Variants in FBXW7 observed in about 807,000 individuals in gnomAD.
FBXW7 encodes the protein F-box/WD repeat-containing protein 7.
A neutral mutation model predicts 86.3 loss-of-function variants in FBXW7; 11 were observed. That is an observed-to-expected ratio of 0.13 (90% confidence interval 0.08 to 0.21). The LOEUF is 0.21. Ranked by LOEUF, FBXW7 falls within the 10% of genes least tolerant of loss-of-function variation. FBXW7 has a pLI of 1.00. For missense variants in FBXW7, 488 were observed against 847.4 expected, an observed-to-expected ratio of 0.58 and a Z score of 5.27; for synonymous variants, 313 against 297.9, an observed-to-expected ratio of 1.05 and a Z score of -0.52.
chr4:152,331,668 A>G (rs138416009), intron 8 of FBXW7, among the ~76,000 whole-genome samples: 3,324 of 152,172 alleles, frequency 0.022, 56 homozygotes, highest in Middle Eastern at 0.058. Flanking sequence ...GGTAGTTGCA[A>G]AACAATGTGA....
At chr4:152,503,056 T>G (rs899495323) in intron 2 of FBXW7, among the ~76,000 whole-genome samples, 4 of 152,190 alleles carry the variant, frequency 2.6e-5, no homozygotes, top group Non-Finnish European at 5.9e-5. Context: ...CATAAAGAGA[T>G]GGTAAAGAAA....
chr4:152,524,822 A>AG (rs900062161), intron 2 of FBXW7, among the ~76,000 whole-genome samples: 1 of 152,186 alleles, frequency 6.6e-6, no homozygotes, highest in Non-Finnish European at 1.5e-5. Context: ...ATTTATCCGC[A>AG]GGGGGGAAAA....
At chr4:152,507,214 A>G (rs1377354645) in intron 2 of FBXW7, among the ~76,000 whole-genome samples, 1 of 152,200 alleles carries the variant, frequency 6.6e-6, no homozygotes, top group Non-Finnish European at 1.5e-5. Context: ...ACCCTCCCAC[A>G]TGGAAGTGAA....
chr4:152,511,292 GC>G (rs371477693), intron 2 of FBXW7, among the ~76,000 whole-genome samples: 58 of 88,670 alleles, frequency 6.5e-4, no homozygotes, highest in African/African-American at 2.5e-3. Flanking sequence ...ACAGCCCCCC[GC>G]CCCCCCCACC....
intron 2 of FBXW7, among the ~76,000 whole-genome samples, chr4:152,442,018 G>C (rs777882169): frequency 6.6e-6 from 1 of 152,144 alleles, no homozygotes; most frequent in Non-Finnish European, 1.5e-5. Context: ...TCGGAATTTT[G>C]ATATTCTTCC....
intron 4 of FBXW7, among the ~76,000 whole-genome samples, chr4:152,389,475 T>C (rs2676343): frequency 0.55 from 82,917 of 151,792 alleles, 25,463 homozygotes; most frequent in Non-Finnish European, 0.7. Context: ...ATGGATGGAA[T>C]TGGAGGTGAT....
intron 4 of FBXW7, chr4:152,382,149 T>C (rs776650369): frequency 3.4e-6 from 5 of 1,452,870 alleles, no homozygotes; most frequent in Non-Finnish European, 4.6e-6. Flanking sequence ...GGTACTTCAC[T>C]TAAATAAACA....
At chr4:152,369,024 C>T (rs1579013439) in intron 4 of FBXW7, among the ~76,000 whole-genome samples, 1 of 152,044 alleles carries the variant, frequency 6.6e-6, no homozygotes, top group Non-Finnish European at 1.5e-5. Flanking sequence ...ACTCAGGAAA[C>T]TGTTTAAGAA....
intron 4 of FBXW7, among the ~76,000 whole-genome samples, chr4:152,393,534 T>C (rs779511373): frequency 1.9e-4 from 29 of 152,080 alleles, no homozygotes; most frequent in Non-Finnish European, 3.8e-4. Context: ...ATATTTAAGT[T>C]TTTCACTCAT....
At position 152,535,578 on chromosome 4, in the gene FBXW7, A is replaced by G. The variant is rs1750466650; in HGVS notation, c.-664T>C. On this transcript the variant is annotated 5_prime_UTR_variant, in exon 1 of 14. Transcript: ENST00000281708. ...TGCTACGGCCCCGGGCGGGTGGCCG[A>G]GTCGGCGGCAAGGCGAGGGACCCGG... 1 of 396,404 alleles carries G rather than the reference A, an allele frequency of 2.5e-6. No individual in the cohort carries two copies. 24.6% of individuals were successfully genotyped at this position (396,404 alleles called of 1,614,324 possible).
At chr4:152,369,358 C>T (rs531024198) in intron 4 of FBXW7, among the ~76,000 whole-genome samples, 8 of 152,190 alleles carry the variant, frequency 5.3e-5, no homozygotes, top group East Asian at 1.9e-4. Context: ...CTATAATCCG[C>T]GCTCTTAGGC....
At position 152,492,516 on chromosome 4, in the gene FBXW7, A is replaced by G. The variant is rs530561028; in HGVS notation, c.-120+42425T>C. On this transcript the variant is annotated intron_variant, in intron 2 of 13. Transcript: ENST00000281708. The stretch of plus-strand genomic sequence containing the variant: ...CACCAGCAATTTACGAGTGTTCTGG[A>G]TGGCTTCCTAGAATATTTGTAGTTG... Among the ~76,000 whole-genome samples the G allele has an allele frequency of 2.6e-5, 4 of 152,272 alleles. No homozygotes were observed. In the South Asian group the frequency reaches 8.3e-4, roughly 32 times the overall value.
intron 4 of FBXW7, among the ~76,000 whole-genome samples, chr4:152,357,389 C>T (rs909390086): frequency 2.0e-4 from 31 of 151,692 alleles, no homozygotes; most frequent in African/African-American, 6.3e-4. Context: ...GGCGCAATCT[C>T]GGCTCATTGC....
chr4:152,370,111 A>C (rs2126732628), intron 4 of FBXW7, among the ~76,000 whole-genome samples: 1 of 152,136 alleles, frequency 6.6e-6, no homozygotes, highest in African/African-American at 2.4e-5. Flanking sequence ...CAACAGTGAC[A>C]TTTTAAAATC....
Position 152,396,169 on chromosome 4 carries a change from C to T in FBXW7, c.501+15134G>A, listed in dbSNP as rs1370569941. ...AGTTACAATACAGGTGTATGATATT[C>T]TAGAAACATCTCTAGTATTCATATT... is the stretch of plus-strand genomic sequence containing the variant. On this transcript the variant is annotated intron_variant, in intron 4 of 13. Coordinates refer to ENST00000281708, the MANE Select transcript of FBXW7 (RefSeq NM_001349798.2). Among the ~76,000 whole-genome samples the T allele has an allele frequency of 2.0e-5, 3 of 151,870 alleles. No homozygotes were observed. The East Asian group carries it at 5.8e-4, about 29-fold the overall frequency.
chr4:152,361,965 C>CA (rs569330155), intron 4 of FBXW7, among the ~76,000 whole-genome samples: 3,684 of 36,458 alleles, frequency 0.1, 151 homozygotes, highest in Admixed American at 0.13. Flanking sequence ...GACTCCATCT[C>CA]AAAAAAAAAA....
At chr4:152,352,680 A>G in intron 4 of FBXW7, 6 of 1,613,914 alleles carry the variant, frequency 3.7e-6, no homozygotes, top group Non-Finnish European at 5.1e-6. Flanking sequence ...ACAAAACTCC[A>G]CAGTAAAGGC....
intron 2 of FBXW7, chr4:152,530,348 C>T (rs1003550548): frequency 6.6e-6 from 1 of 152,128 alleles, no homozygotes; most frequent in East Asian, 1.9e-4. Flanking sequence ...ATTATTCAAA[C>T]CAACCATAGA....
intron 2 of FBXW7, among the ~76,000 whole-genome samples, chr4:152,490,013 A>T (rs987972237): frequency 6.6e-6 from 1 of 152,188 alleles, no homozygotes; most frequent in Non-Finnish European, 1.5e-5. Flanking sequence ...CAAAAAATGG[A>T]ACTAGAAGTC....
Sources: allele counts gnomAD v4.1 joint callset (sites outside exome capture counted in the v4.1 genomes callset), GRCh38; gene constraint gnomAD v4.1.1; transcripts MANE v1.5; gene names NCBI Gene and HGNC (gene_info 2026-07-23, HGNC 2026-07-21).